SARDH: variants seen among roughly 807,000 people sequenced by gnomAD.
SARDH encodes the protein sarcosine dehydrogenase.
SARDH carries 95 observed loss-of-function variants against 109.1 expected under a neutral mutation model. The observed-to-expected ratio is 0.87, with a 90% confidence interval of 0.74 to 1.03. SARDH has a LOEUF of 1.03. Among genes scored for constraint, SARDH ranks in the 50% least tolerant of loss-of-function variants. The pLI is 0.00. For missense variants in SARDH, 1,267 were observed against 1,287.8 expected (o/e 0.98, Z 0.25); for synonymous variants, 572 against 534.8 (o/e 1.07, Z -0.96).
At chr9:133,715,825 G>A (rs925917428) in intron 8 of SARDH, among the ~76,000 whole-genome samples, 1 of 152,176 alleles carries the variant, frequency 6.6e-6, no homozygotes, top group Non-Finnish European at 1.5e-5. Context: ...TCAGTGCTCC[G>A]TCACCATCTC....
intron 13 of SARDH, among the ~76,000 whole-genome samples, chr9:133,701,987 C>T (rs1831505341): frequency 6.6e-6 from 1 of 152,214 alleles, no homozygotes; most frequent in African/African-American, 2.4e-5. Flanking sequence ...AGACCCTACC[C>T]AAGCCGGACT....
At chr9:133,697,650 A>G (rs1831331398) in intron 13 of SARDH, among the ~76,000 whole-genome samples, 2 of 152,248 alleles carry the variant, frequency 1.3e-5, no homozygotes, top group South Asian at 4.1e-4. Context: ...GCAACATATT[A>G]AGAGAACAAA....
upstream of SARDH, among the ~76,000 whole-genome samples, chr9:133,739,263 C>T (rs561154326): frequency 1.7e-3 from 255 of 152,270 alleles, no homozygotes; most frequent in African/African-American, 5.9e-3. Context: ...TGTAATGATG[C>T]CAGCTGCCAA....
At position 133,732,539 on chromosome 9, in the gene SARDH, C is replaced by CCCG. The variant is rs1167498151; in HGVS notation, c.391_393dup (p.Arg131dup). The CCCG allele has an allele frequency of 6.2e-7, 1 of 1,613,794 alleles. No homozygotes were observed. Among genetic ancestry groups the CCCG allele is most frequent in the Non-Finnish European group, 8.5e-7 (1 of 1,179,932 alleles). On this transcript the variant is annotated inframe_insertion, in exon 3 of 21. Coordinates refer to ENST00000439388, the MANE Select transcript of SARDH (RefSeq NM_001134707.2). ...TCCTCCTCCAGCTCCCGGCTCACCACCCGCCGAGTGTGGGCCAGAAGCTCC... is the reference window on the plus strand; with the variant it reads ...TCCTCCTCCAGCTCCCGGCTCACCACCCGCCGCCGAGTGTGGGCCAGAAGCTCC...
At chr9:133,711,879 G>A (rs1025314838) in intron 10 of SARDH, among the ~76,000 whole-genome samples, 2 of 152,112 alleles carry the variant, frequency 1.3e-5, no homozygotes, top group Non-Finnish European at 2.9e-5. Context: ...TGTGTGGGTC[G>A]GAGAGGCCAC....
downstream of SARDH, among the ~76,000 whole-genome samples, chr9:133,662,160 G>A (rs1829902833): frequency 6.6e-6 from 1 of 151,992 alleles, no homozygotes; most frequent in South Asian, 2.1e-4. The surrounding 1 kb of genome is among the most constrained non-coding windows in gnomAD (Gnocchi z 5.1). Context: ...AGGGGTGCTG[G>A]GTTCTCTCTC....
intron 6 of SARDH, chr9:133,725,567 A>C (rs1265084499): frequency 7.1e-6 from 3 of 422,452 alleles, no homozygotes; most frequent in Non-Finnish European, 1.4e-5. Flanking sequence ...TCCCAGCTAC[A>C]TGGGAGGCTG....
Position 133,712,402 on chromosome 9 carries a change from G to T in SARDH, c.1328+217C>A, listed in dbSNP as rs920924619. ...GGGCTCAGGCAGGACCCTGGGACAA[G>T]AGATCTTCAAAGCTGTAAAGGGGCG... is the stretch of plus-strand genomic sequence containing the variant. On this transcript the variant is annotated intron_variant, in intron 10 of 20. Transcript: ENST00000439388. This position sits in a 1 kb window ranked among gnomAD's most constrained non-coding sequence, Gnocchi z 4.1. Among the ~76,000 whole-genome samples, 1 of 152,038 alleles carries T rather than the reference G, an allele frequency of 6.6e-6. No individual in the cohort carries two copies. Among genetic ancestry groups the T allele is most frequent in the Non-Finnish European group, 1.5e-5 (1 of 67,994 alleles).
Position 133,702,974 on chromosome 9 carries a change from G to T in SARDH, c.1610C>A (p.Ala537Asp). ...CTCGTCTGCCAGCAGCCTGCGGTAG[G>T]CGTAGTCCTCGTGCGCGCGGCTCCC... ...AYGSRAHEDYAYRRLLADEYT... is the reference protein window; with the variant it reads ...AYGSRAHEDYDYRRLLADEYT... The change falls in exon 13 of 21, where the codon GCC becomes GAC. Residue 537 changes from alanine (A) to aspartate (D), a missense_variant. Ala to Asp is a moderately radical substitution (Grantham distance 126). Coordinates refer to ENST00000439388, the MANE Select transcript of SARDH (RefSeq NM_001134707.2). 6.2e-7 allele frequency: 1 copy of T among 1,613,476 alleles called. No individual in the cohort carries two copies. Among genetic ancestry groups the T allele is most frequent in the Non-Finnish European group, 8.5e-7 (1 of 1,179,992 alleles).
rs573511295 is a variant in SARDH, at chr9:133,674,061, G to T, written c.2164-2364C>A. On this transcript the variant is annotated intron_variant, in intron 17 of 20. Coordinates refer to ENST00000439388, the MANE Select transcript of SARDH (RefSeq NM_001134707.2). Reference sequence around the variant, plus strand: ...CCTGCTTCCTGCCAAAGAGAGGGAGGCTGGGGAAATCCAGGGGCCTCTCTA... The same window carrying T: ...CCTGCTTCCTGCCAAAGAGAGGGAGTCTGGGGAAATCCAGGGGCCTCTCTA... Among the ~76,000 whole-genome samples, 47 of 152,342 alleles carry T rather than the reference G, an allele frequency of 3.1e-4. No individual in the cohort carries two copies. The South Asian group carries it at 7.0e-3, about 23-fold the overall frequency.
intron 16 of SARDH, among the ~76,000 whole-genome samples, chr9:133,685,780 G>A (rs980730347): frequency 9.2e-5 from 14 of 152,196 alleles, no homozygotes; most frequent in African/African-American, 3.1e-4. Flanking sequence ...CTGTACAGAA[G>A]AGTAGAGTAA....
rs745408402 is a variant in SARDH at position 133,734,170 on chromosome 9, C to A, written c.4G>T (p.Ala2Ser). Residue 2 changes from alanine (A) to serine (S), a missense_variant, in exon 2 of 21, where the codon GCC (alanine) becomes TCC (serine). By Grantham distance (99) the Ala-to-Ser change is moderately conservative (BLOSUM62 1). Transcript: ENST00000439388. Reference protein sequence around the residue: MASLSRALRVAA... With the variant: MSSLSRALRVAA... Reference sequence around the variant, plus strand: ...ACACGTAGGGCTCGGCTCAGTGAGGCCATGGGGGCTCCAGGCCTCAGCGAA... The same window carrying A: ...ACACGTAGGGCTCGGCTCAGTGAGGACATGGGGGCTCCAGGCCTCAGCGAA... The A allele has an allele frequency of 2.2e-5, 35 of 1,582,682 alleles. No individual in the cohort carries two copies. The South Asian group carries it at 3.9e-4, about 17-fold the overall frequency.
chr9:133,732,243 C>A lies in SARDH; in HGVS notation c.510+180G>T, dbSNP rs1241146976. Among the ~76,000 whole-genome samples, 4 of 149,606 alleles carry A rather than the reference C, an allele frequency of 2.7e-5. No homozygotes were observed. In the East Asian group the frequency reaches 6.0e-4, roughly 23 times the overall value. On this transcript the variant is annotated intron_variant, in intron 3 of 20. Transcript: ENST00000439388. ...CAGGAAGCAGACTCATCCACACGAG[C>A]CCCCCACCCCAGCCCCCCGCAGGGG...
intron 6 of SARDH, among the ~76,000 whole-genome samples, chr9:133,726,394 A>ATAATAATAATGATAATAATAATAG (rs59172198): frequency 7.6e-6 from 1 of 132,338 alleles, no homozygotes; most frequent in African/African-American, 2.8e-5. Flanking sequence ...AATAATAATA[A>ATAATAATAATGATAATAATAATAG]TAGTAGTAGT....
intron 3 of SARDH, 132 bp downstream of exon 3, chr9:133,732,291 C>T: frequency 1.5e-6 from 1 of 675,710 alleles, no homozygotes; most frequent in Non-Finnish European, 2.3e-6. Flanking sequence ...ACATGAACCC[C>T]CAGCGTACCT....
downstream of SARDH, among the ~76,000 whole-genome samples, chr9:133,662,460 C>T (rs987616964): frequency 2.0e-5 from 3 of 152,134 alleles, no homozygotes; most frequent in Non-Finnish European, 4.4e-5. The surrounding 1 kb of genome is among the most constrained non-coding windows in gnomAD (Gnocchi z 5.1). Flanking sequence ...CATCCAGAAG[C>T]CAGGCCCGCC....
chr9:133,675,011 C>T (rs927069650), intron 17 of SARDH, among the ~76,000 whole-genome samples: 1 of 152,040 alleles, frequency 6.6e-6, no homozygotes, highest in African/African-American at 2.4e-5. Context: ...CAAAGAACTC[C>T]TACAACTTAA....
chr9:133,714,990 G>A (rs1054607291), intron 8 of SARDH, among the ~76,000 whole-genome samples: 3 of 152,192 alleles, frequency 2.0e-5, no homozygotes, highest in Admixed American at 1.3e-4. Context: ...TGACTCATGC[G>A]GGTTGAGTAA....
chr9:133,666,573 C>CTCTT lies in SARDH; in HGVS notation c.2631+161_2631+162insAAGA, dbSNP rs1180574989. ...CCCTCCTTCTCCTCCTTCCTTCCTC[C>CTCTT]CCCTCTTCCCTCCTCCCTCCTTTCT... On this transcript the variant is annotated intron_variant, in intron 20 of 20. Coordinates refer to ENST00000439388, the MANE Select transcript of SARDH (RefSeq NM_001134707.2). The surrounding 1 kb of genome is among the most constrained non-coding windows in gnomAD (Gnocchi z 5.2). Among the ~76,000 whole-genome samples the CTCTT allele has an allele frequency of 6.6e-6, 1 of 151,442 alleles. No individual in the cohort carries two copies. Among genetic ancestry groups the CTCTT allele is most frequent in the Non-Finnish European group, 1.5e-5 (1 of 67,826 alleles).
Sources: gnomAD v4.1 joint callset for allele counts (sites outside exome capture counted in the v4.1 genomes callset) on GRCh38, gnomAD v4.1.1 for gene constraint, Gnocchi (gnomAD v3.1) non-coding constraint, MANE v1.5 for transcripts, NCBI Gene and HGNC (gene_info 2026-07-23, HGNC 2026-07-21) for gene names.